Variants in PCCA observed in about 807,000 individuals in gnomAD.
The protein encoded by PCCA is propionyl-CoA carboxylase alpha chain, mitochondrial.
Under a neutral mutation model 101.3 loss-of-function variants are expected in PCCA, and 74 were observed. That is an observed-to-expected ratio of 0.73 (90% CI 0.61 to 0.89). The LOEUF is 0.89. PCCA is among the 40% of genes least tolerant of loss of function. The probability of loss-of-function intolerance (pLI) is 0.00; values close to 1 mark genes in which losing one functional copy is unlikely to be tolerated. For missense variants in PCCA, 891 were observed against 907.0 expected, an observed-to-expected ratio of 0.98 and a Z score of 0.23; for synonymous variants, 294 against 313.6, an observed-to-expected ratio of 0.94 and a Z score of 0.66.
chr13:100,507,733 T>G (rs1227028759), intron 21 of PCCA, among the ~76,000 whole-genome samples: 2 of 152,164 alleles, frequency 1.3e-5, no homozygotes, highest in Admixed American at 1.3e-4. Context: ...CTCGGCTCCC[T>G]GCAACCTCCA....
chr13:100,134,110 A>G (rs558854148), intron 4 of PCCA, among the ~76,000 whole-genome samples: 2 of 152,272 alleles, frequency 1.3e-5, no homozygotes, highest in Admixed American at 6.5e-5. Context: ...ATGCGAGTCA[A>G]TACTCTTTAA....
At chr13:100,294,076 G>A (rs924865085) in intron 12 of PCCA, among the ~76,000 whole-genome samples, 5 of 152,126 alleles carry the variant, frequency 3.3e-5, no homozygotes, top group Admixed American at 3.3e-4. Context: ...CAAAATCCAG[G>A]GGCCAACAGG....
chr13:100,337,073 A>G (rs1344095042), intron 17 of PCCA, among the ~76,000 whole-genome samples: 2 of 152,108 alleles, frequency 1.3e-5, no homozygotes, highest in Non-Finnish European at 2.9e-5. Flanking sequence ...TTACGTTCAC[A>G]CTCGCTAAAA....
At chr13:100,297,630 T>A (rs1595178026) in intron 12 of PCCA, among the ~76,000 whole-genome samples, 1 of 152,134 alleles carries the variant, frequency 6.6e-6, no homozygotes, top group Non-Finnish European at 1.5e-5. Flanking sequence ...AGCTTGGTGG[T>A]GATTAAGAAT....
At chr13:100,415,004 G>A (rs1158917123) in intron 19 of PCCA, among the ~76,000 whole-genome samples, 1 of 151,930 alleles carries the variant, frequency 6.6e-6, no homozygotes, top group Non-Finnish European at 1.5e-5. Context: ...CAAGGTAATT[G>A]CCCCTATAAA....
intron 6 of PCCA, among the ~76,000 whole-genome samples, chr13:100,195,316 TTTAA>T (rs753796066): frequency 6.6e-6 from 1 of 152,194 alleles, no homozygotes; most frequent in Non-Finnish European, 1.5e-5. Context: ...TATCGATATG[TTTAA>T]TTAAAGCATT....
At chr13:100,158,308 T>C (rs2054084188) in intron 6 of PCCA, among the ~76,000 whole-genome samples, 1 of 152,260 alleles carries the variant, frequency 6.6e-6, no homozygotes, top group Non-Finnish European at 1.5e-5. Flanking sequence ...TGTACTCGTA[T>C]TCTGTTCTTC....
rs927077356 is a variant in PCCA at position 100,363,610 on chromosome 13, T to C, written c.1644-4862T>C. Among the ~76,000 whole-genome samples the C allele has an allele frequency of 3.3e-5, 5 of 152,342 alleles. No individual in the cohort carries two copies. In the East Asian group the frequency reaches 9.6e-4, roughly 29 times the overall value. ...AGTGGCCATGGAATGCAGCATATTA[T>C]TCTCGATCATTTTACAGCCCACCCA... On this transcript the variant is annotated intron_variant, in intron 18 of 23. Coordinates refer to ENST00000376285, the MANE Select transcript of PCCA (RefSeq NM_000282.4).
chr13:100,285,834 G>A (rs2064584986), intron 12 of PCCA, among the ~76,000 whole-genome samples: 1 of 152,174 alleles, frequency 6.6e-6, no homozygotes, highest in African/African-American at 2.4e-5. Flanking sequence ...ACTGATGGAA[G>A]TTCATTTGTG....
intron 10 of PCCA, among the ~76,000 whole-genome samples, chr13:100,265,351 C>T (rs1231276487): frequency 2.0e-5 from 3 of 152,004 alleles, no homozygotes; most frequent in Non-Finnish European, 4.4e-5. Context: ...TCCACTTTTT[C>T]CAGCATCATT....
chr13:100,239,019 C>T (rs2060970241), intron 8 of PCCA, among the ~76,000 whole-genome samples: 2 of 152,158 alleles, frequency 1.3e-5, no homozygotes, highest in Non-Finnish European at 1.5e-5. Flanking sequence ...CCTCCTCTCT[C>T]ATGTCTTTGC....
At chr13:100,525,758 TGGC>T (rs2153006429) in intron 22 of PCCA, among the ~76,000 whole-genome samples, 1 of 152,212 alleles carries the variant, frequency 6.6e-6, no homozygotes, top group East Asian at 1.9e-4. Context: ...CCAATGTACT[TGGC>T]GGGGGGACGG....
intron 4 of PCCA, among the ~76,000 whole-genome samples, chr13:100,138,664 A>G (rs932901987): frequency 1.3e-5 from 2 of 152,044 alleles, no homozygotes; most frequent in African/African-American, 4.8e-5. Context: ...GCTGGGTGCA[A>G]TAGCTCACGC....
At chr13:100,234,052 C>T (rs2060640273) in intron 7 of PCCA, among the ~76,000 whole-genome samples, 1 of 152,206 alleles carries the variant, frequency 6.6e-6, no homozygotes, top group Non-Finnish European at 1.5e-5. Flanking sequence ...TATTTTCTCT[C>T]ATCACGTTGG....
intron 19 of PCCA, among the ~76,000 whole-genome samples, chr13:100,424,253 A>C (rs2079001516): frequency 6.6e-6 from 1 of 152,032 alleles, no homozygotes; most frequent in African/African-American, 2.4e-5. Flanking sequence ...CAAATACTAC[A>C]CCATTTTATA....
intron 21 of PCCA, among the ~76,000 whole-genome samples, chr13:100,461,606 ATCTCTCC>A (rs2082168943): frequency 6.6e-6 from 1 of 152,062 alleles, no homozygotes; most frequent in African/African-American, 2.4e-5. Context: ...ACTTAAGTTG[ATCTCTCC>A]TCTCTGTCCC....
rs148189234 is a variant in PCCA at position 100,294,471 on chromosome 13, A to G, written c.1066-6989A>G. On this transcript the variant is annotated intron_variant, in intron 12 of 23. Coordinates refer to ENST00000376285, the MANE Select transcript of PCCA (RefSeq NM_000282.4). ...CACTCTTTTTTTTTTCCATGTATAC[A>G]TAGCATATAAAAATTTTAAACAACT... Among the ~76,000 whole-genome samples the G allele has an allele frequency of 2.5e-3, 381 of 152,004 alleles. 4 individuals carry two copies. The South Asian group carries it at 0.028, about 11-fold the overall frequency.
intron 6 of PCCA, among the ~76,000 whole-genome samples, chr13:100,195,970 A>G (rs1186121096): frequency 6.6e-6 from 1 of 152,196 alleles, no homozygotes; most frequent in Non-Finnish European, 1.5e-5. Context: ...ACAGGGAAAT[A>G]AAAAGAAAAA....
In PCCA at chr13:100,325,518, C is replaced by T. The variant is rs993732480; in HGVS notation, c.1430-5043C>T. 2.1e-4 allele frequency among the ~76,000 whole-genome samples: 32 copies of T among 152,014 alleles called. No homozygotes were observed. The South Asian group carries it at 3.5e-3, about 17-fold the overall frequency. The stretch of plus-strand genomic sequence containing the variant: ...CTGCTGAACAGGTTTTTAATGCAGA[C>T]GCAAGTGCCTTATTCTGAGGGGGAA... On this transcript the variant is annotated intron_variant, in intron 16 of 23. Transcript: ENST00000376285.
Sources: gnomAD v4.1 joint callset for allele counts (sites outside exome capture counted in the v4.1 genomes callset) on GRCh38, gnomAD v4.1.1 for gene constraint, MANE v1.5 for transcripts, NCBI Gene and HGNC (gene_info 2026-07-23, HGNC 2026-07-21) for gene names.